PTPN5: variants seen among roughly 807,000 people sequenced by gnomAD.
The protein encoded by PTPN5 is tyrosine-protein phosphatase non-receptor type 5.
In PTPN5, 29 loss-of-function variants were observed where a neutral mutation model predicts 73.9. The ratio of observed to expected loss-of-function variants is 0.39; its 90% CI spans 0.29 to 0.54. PTPN5 has a LOEUF of 0.54. Ranked by LOEUF, PTPN5 falls within the 20% of genes least tolerant of loss-of-function variation. The pLI is 0.65. For missense variants in PTPN5, 652 were observed against 751.4 expected (o/e 0.87, Z 1.55); for synonymous variants, 267 against 304.7 (o/e 0.88, Z 1.29).
At chr11:18,757,196 C>T (rs1289893585) in intron 3 of PTPN5, among the ~76,000 whole-genome samples, 1 of 152,174 alleles carries the variant, frequency 6.6e-6, no homozygotes, top group Non-Finnish European at 1.5e-5. Context: ...CATTCCCATC[C>T]ATTGTCTCAC....
At chr11:18,761,166 C>T (rs979381264) in intron 3 of PTPN5, among the ~76,000 whole-genome samples, 1 of 152,224 alleles carries the variant, frequency 6.6e-6, no homozygotes, top group African/African-American at 2.4e-5. Flanking sequence ...TTGGTCCCTG[C>T]AGGCCTGCCC....
At chr11:18,743,526 G>C in intron 4 of PTPN5, 97 bp from the exon 5 acceptor site, 1 of 1,105,576 alleles carries the variant, frequency 9.0e-7, no homozygotes, top group East Asian at 2.4e-5. Context: ...GCCCTGCATG[G>C]AGGCTCCTGA....
chr11:18,790,431 A>G (rs1187496295), intron 1 of PTPN5, among the ~76,000 whole-genome samples: 2 of 152,116 alleles, frequency 1.3e-5, no homozygotes, highest in Non-Finnish European at 2.9e-5. Flanking sequence ...CCAACTGAGG[A>G]CACTCAGGCT....
chr11:18,751,377 G>A (rs933052926), intron 3 of PTPN5, among the ~76,000 whole-genome samples: 5 of 152,142 alleles, frequency 3.3e-5, no homozygotes, highest in African/African-American at 1.2e-4. Flanking sequence ...CCTCAACACT[G>A]ACCGATAGGA....
chr11:18,765,802 C>G lies in PTPN5; in HGVS notation c.97+5G>C, dbSNP rs1850617851. On this transcript the variant is annotated splice_donor_5th_base_variant and intron_variant, in intron 3 of 14. Coordinates refer to ENST00000358540, the MANE Select transcript of PTPN5 (RefSeq NM_006906.2). ...TGGGAGGAGCTGGGTGCTGAGAAGA[C>G]TCACCCGGTAGCCTCTCACTGCAGC... 1.3e-6 allele frequency: 2 copies of G among 1,560,452 alleles called. No homozygotes were observed.
chr11:18,784,660 T>C (rs982083989), intron 1 of PTPN5, among the ~76,000 whole-genome samples: 2 of 152,120 alleles, frequency 1.3e-5, no homozygotes, highest in African/African-American at 4.8e-5. Context: ...GTGTTATGTG[T>C]ATTTTACCAC....
intron 3 of PTPN5, among the ~76,000 whole-genome samples, chr11:18,746,373 G>A (rs2134238356): frequency 6.6e-6 from 1 of 151,660 alleles, no homozygotes; most frequent in Non-Finnish European, 1.5e-5. Flanking sequence ...TGTATTTTTA[G>A]TAGAGACAGG....
chr11:18,784,588 A>G (rs1462019488), intron 1 of PTPN5, among the ~76,000 whole-genome samples: 1 of 152,246 alleles, frequency 6.6e-6, no homozygotes, highest in Non-Finnish European at 1.5e-5. Flanking sequence ...GTTGTATAAC[A>G]CTGTAAATAT....
intron 4 of PTPN5, chr11:18,743,795 G>C: frequency 1.7e-6 from 1 of 601,638 alleles, no homozygotes; most frequent in Non-Finnish European, 2.8e-6. Flanking sequence ...TTAGGTTAGG[G>C]AGGCAGGGTG....
At chr11:18,775,997 G>C (rs909546692) in intron 1 of PTPN5, among the ~76,000 whole-genome samples, 1 of 152,180 alleles carries the variant, frequency 6.6e-6, no homozygotes, top group Admixed American at 6.5e-5. Flanking sequence ...GGTCCTACCT[G>C]ATTATAAATG....
At chr11:18,785,681 G>C (rs371593672) in intron 1 of PTPN5, among the ~76,000 whole-genome samples, 30 of 152,120 alleles carry the variant, frequency 2.0e-4, no homozygotes, top group Non-Finnish European at 7.4e-5. Context: ...AATCCCTCCC[G>C]AAAGGCTTGC....
chr11:18,791,034 G>A (rs1343041281), intron 1 of PTPN5, among the ~76,000 whole-genome samples: 1 of 152,188 alleles, frequency 6.6e-6, no homozygotes, highest in Non-Finnish European at 1.5e-5. Flanking sequence ...AGCGCGCTAA[G>A]CTTGTATTCT....
rs1004637233 is a variant in PTPN5, at chr11:18,765,173, TA to T, written c.97+633del. 9.2e-5 allele frequency among the ~76,000 whole-genome samples: 14 copies of T among 152,228 alleles called. No individual in the cohort carries two copies. The East Asian group carries it at 1.2e-3, about 13-fold the overall frequency. Reference sequence around the variant, plus strand: ...GAAGGAAAAGAACAATAAAAACTTATAAAAAAATGTAAAACTCTCCCCCCAC... The same window carrying T: ...GAAGGAAAAGAACAATAAAAACTTATAAAAAATGTAAAACTCTCCCCCCAC... On this transcript the variant is annotated intron_variant, in intron 3 of 14. Transcript: ENST00000358540.
intron 1 of PTPN5, among the ~76,000 whole-genome samples, chr11:18,773,650 T>G (rs1468594062): frequency 6.6e-6 from 1 of 152,184 alleles, no homozygotes; most frequent in African/African-American, 2.4e-5. Context: ...CAGATAGGGA[T>G]GCTGGGGAGC....
chr11:18,751,266 A>G (rs1307298660), intron 3 of PTPN5, among the ~76,000 whole-genome samples: 8 of 152,178 alleles, frequency 5.3e-5, no homozygotes, highest in Admixed American at 3.3e-4. Context: ...GGTGCTGAAG[A>G]GCAGAGTCCC....
chr11:18,748,478 T>C (rs376165823), intron 3 of PTPN5, among the ~76,000 whole-genome samples: 258 of 152,326 alleles, frequency 1.7e-3, no homozygotes, highest in African/African-American at 5.8e-3. Flanking sequence ...ACTGGGCAAC[T>C]GGTAGATGTA....
rs1377398239 is a variant in PTPN5, at chr11:18,743,988, G to A, written c.291+18C>T. The A allele has an allele frequency of 6.3e-7, 1 of 1,579,076 alleles. No homozygotes were observed. The highest frequency in any genetic ancestry group is 8.6e-7 in the Non-Finnish European group (1 of 1,167,480). On this transcript the variant is annotated intron_variant, in intron 4 of 14. Coordinates refer to ENST00000358540, the MANE Select transcript of PTPN5 (RefSeq NM_006906.2). Reference sequence around the variant, plus strand: ...CCACCCTCTCTCCAGACCCTTGTGAGGCCTGTGCCATCCTTACCAGGAACT... The same window carrying A: ...CCACCCTCTCTCCAGACCCTTGTGAAGCCTGTGCCATCCTTACCAGGAACT...
At chr11:18,743,550 A>G in intron 4 of PTPN5, 121 bp from the exon 5 acceptor site, 1 of 883,036 alleles carries the variant, frequency 1.1e-6, no homozygotes, top group Admixed American at 2.1e-5. Flanking sequence ...TCTAAGGTCC[A>G]GACCGGGCAG....
At chr11:18,767,324 T>A (rs1044415499) in intron 2 of PTPN5, among the ~76,000 whole-genome samples, 2 of 152,308 alleles carry the variant, frequency 1.3e-5, no homozygotes, top group Non-Finnish European at 2.9e-5. Flanking sequence ...ATCATTTTAT[T>A]TTTTTCCTCA....
Sources: gnomAD v4.1 joint callset for allele counts (sites outside exome capture counted in the v4.1 genomes callset) on GRCh38, gnomAD v4.1.1 for gene constraint, MANE v1.5 for transcripts, NCBI Gene and HGNC (gene_info 2026-07-23, HGNC 2026-07-21) for gene names.